ELANE: variants seen among roughly 807,000 people sequenced by gnomAD.
ELANE encodes elastase, neutrophil expressed.
Under a neutral mutation model 20.6 loss-of-function variants are expected in ELANE, and 12 were observed. The observed-to-expected ratio is 0.58, with a 90% CI of 0.37 to 0.94. The LOEUF (loss-of-function observed/expected upper bound fraction) is 0.94, where lower values mean the gene tolerates loss of function less well. ELANE is among the 40% of genes least tolerant of loss of function. The pLI is 0.01. For missense variants in ELANE, 388 were observed against 395.2 expected (o/e 0.98, Z 0.15); for synonymous variants, 203 against 177.4 (o/e 1.14, Z -1.15).
intron 1 of ELANE, 146 bp from the exon 2 acceptor site, chr19:852,730 C>G: frequency 7.9e-7 from 1 of 1,266,496 alleles, no homozygotes; most frequent in Non-Finnish European, 1.1e-6. Flanking sequence ...CGAACGGCCC[C>G]GATCCCGTGG....
rs202059602 is a variant in ELANE, at chr19:856,062, G to T, written c.702G>T (p.Pro234=). 6.2e-7 allele frequency: 1 copy of T among 1,613,480 alleles called. No individual in the cohort carries two copies. The highest frequency in any genetic ancestry group is 8.5e-7 in the Non-Finnish European group (1 of 1,180,016). The change falls in exon 5 of 5, where the codon CCG becomes CCT. Residue 234 remains proline, a synonymous_variant. Coordinates refer to ENST00000263621, the MANE Select transcript of ELANE (RefSeq NM_001972.4). ...ASGLYPDAFA[P]VAQFVNWIDS... ...GGCTCTACCCCGATGCCTTTGCCCCGGTGGCACAGTTTGTAAACTGGATCG... is the reference window on the plus strand; with the variant it reads ...GGCTCTACCCCGATGCCTTTGCCCCTGTGGCACAGTTTGTAAACTGGATCG...
chr19:855,584 C>G lies in ELANE; in HGVS notation c.387C>G (p.Ile129Met). The G allele has an allele frequency of 6.2e-7, 1 of 1,600,172 alleles. No individual in the cohort carries two copies. The highest frequency in any genetic ancestry group is 1.1e-5 in the South Asian group (1 of 91,084). The change falls in exon 4 of 5, where the codon ATC becomes ATG. Residue 129 changes from isoleucine to methionine, a missense_variant. Ile to Met is a conservative substitution (Grantham distance 10). Coordinates refer to ENST00000263621, the MANE Select transcript of ELANE (RefSeq NM_001972.4). The surrounding 1 kb of genome is among the most constrained non-coding windows in gnomAD (Gnocchi z 6.2). ...CACAGCTCAACGGGTCGGCCACCAT[C>G]AACGCCAACGTGCAGGTGGCCCAGC... ...VILQLNGSAT[I>M]NANVQVAQLP...
chr19:855,779 G>T lies in ELANE; in HGVS notation c.582G>T (p.Gln194His), dbSNP rs563563792. The T allele has an allele frequency of 2.2e-5, 35 of 1,608,810 alleles. 1 individual carries two copies. In the South Asian group the frequency reaches 3.5e-4, roughly 16 times the overall value. ...TCTGCACTCTCGTGAGGGGCCGGCA[G>T]GCCGGCGTCTGTTTCGTACGTGCCC... ...SNVCTLVRGRQAGVCFGDSGS... is the reference protein window; with the variant it reads ...SNVCTLVRGRHAGVCFGDSGS... Residue 194 changes from glutamine to histidine, a missense_variant, in exon 4 of 5, where the codon CAG becomes CAT. By Grantham distance (24) the Gln-to-His change is conservative. Transcript: ENST00000263621. This position sits in a 1 kb window ranked among gnomAD's most constrained non-coding sequence, Gnocchi z 6.2.
intron 1 of ELANE, 67 bp from the exon 2 acceptor site, chr19:852,809 G>T: frequency 6.5e-7 from 1 of 1,549,648 alleles, no homozygotes; most frequent in South Asian, 1.2e-5. Context: ...GGATCCAGAG[G>T]CCCCGTGGCC....
rs890280050 is a variant in ELANE, at chr19:853,306, C to T, written c.269C>T (p.Ser90Leu). ...VRVVLGAHNL[S>L]RREPTRQVFA... Reference sequence around the variant, plus strand: ...GTGGTCCTGGGAGCCCATAACCTCTCGCGGCGGGAGCCCACCCGGCAGGTG... The same window carrying T: ...GTGGTCCTGGGAGCCCATAACCTCTTGCGGCGGGAGCCCACCCGGCAGGTG... Residue 90 changes from serine (S) to leucine (L), a missense_variant, in exon 3 of 5, where the codon TCG becomes TTG. Coordinates refer to ENST00000263621, the MANE Select transcript of ELANE (RefSeq NM_001972.4). 3.1e-6 allele frequency: 5 copies of T among 1,610,636 alleles called. No homozygotes were observed. In the African/African-American group the frequency reaches 4.0e-5, roughly 13 times the overall value.
chr19:852,515 C>G, intron 1 of ELANE, 120 bp downstream of exon 1: 4 of 1,296,808 alleles, frequency 3.1e-6, no homozygotes, highest in Non-Finnish European at 4.2e-6. Context: ...CCAGCTGGGA[C>G]AAGGAGACCA....
rs201224981 is a variant in ELANE, at chr19:852,979, C to T, written c.171C>T (p.Ala57=). The change falls in exon 2 of 5, where the codon GCC becomes GCT. Residue 57 remains alanine (A), a synonymous_variant. Coordinates refer to ENST00000263621, the MANE Select transcript of ELANE (RefSeq NM_001972.4). The stretch of plus-strand genomic sequence containing the variant: ...TGCGCGGAGGCCACTTCTGCGGCGC[C>T]ACCCTGATTGCGCCCAACTTCGTCA... ...LQLRGGHFCG[A]TLIAPNFVMS... is the part of the protein sequence containing the mutation. 131 of 1,584,074 alleles carry T rather than the reference C, an allele frequency of 8.3e-5. No individual in the cohort carries two copies. The African/African-American group carries it at 1.5e-3, about 19-fold the overall frequency.
chr19:853,515 C>T (rs2035630033), intron 3 of ELANE, 112 bp downstream of exon 3: 2 of 1,326,160 alleles, frequency 1.5e-6, no homozygotes, highest in Admixed American at 2.2e-5. Context: ...GGGGTGGCAT[C>T]GTGGGCTGGG....
In ELANE at chr19:852,865, T is replaced by C; in HGVS notation, c.68-11T>C. ...GCAGGCACTCAGCACCCGCACCCGG[T>C]GTGTCCCCAGGCACCGCGCTGGCCT... On this transcript the variant is annotated splice_polypyrimidine_tract_variant and intron_variant, in intron 1 of 4. Transcript: ENST00000263621. The C allele has an allele frequency of 6.3e-7, 1 of 1,593,102 alleles. No homozygotes were observed. The highest frequency in any genetic ancestry group is 8.5e-7 in the Non-Finnish European group (1 of 1,176,030).
rs144391144 is a variant in ELANE at position 855,960 on chromosome 19, G to A, written c.600G>A (p.Gly200=). The change falls in exon 5 of 5, where the codon GGG becomes GGA. Residue 200 remains glycine (G), a splice_region_variant and synonymous_variant. Transcript: ENST00000263621. This position sits in a 1 kb window ranked among gnomAD's most constrained non-coding sequence, Gnocchi z 6.2. ...VRGRQAGVCF[G]DSGSPLVCNG... is the part of the protein sequence containing the mutation. ...CCCCACCTTGTCTGCCTCCACAGGG[G>A]GACTCCGGCAGCCCCTTGGTCTGCA... 4.0e-5 allele frequency: 64 copies of A among 1,613,066 alleles called. No individual in the cohort carries two copies. The highest frequency in any genetic ancestry group is 5.3e-5 in the Non-Finnish European group (63 of 1,180,046).
chr19:853,120 GGC>G, intron 2 of ELANE, 88 bp downstream of exon 2: 1 of 1,480,684 alleles, frequency 6.8e-7, no homozygotes, highest in Admixed American at 2.1e-5. Context: ...CGGGGCTGCT[GGC>G]GGGGGGGGGT....
In ELANE at chr19:852,612, G is replaced by T. The variant is rs17223003; in HGVS notation, c.67+217G>T. Among the ~76,000 whole-genome samples, 15 of 151,162 alleles carry T rather than the reference G, an allele frequency of 9.9e-5. 1 individual carries two copies. The East Asian group carries it at 1.6e-3, about 16-fold the overall frequency. On this transcript the variant is annotated intron_variant, in intron 1 of 4. Transcript: ENST00000263621. ...ACCGGGGAGGGGGGGGGGGTCGCAG[G>T]TCGCCCTCTGGGTTCAAGTCCAGGT...
rs1281778329 is a variant in ELANE, at chr19:853,129, G to A, written c.224+97G>A. On this transcript the variant is annotated intron_variant, in intron 2 of 4. Transcript: ENST00000263621. Reference sequence around the variant, plus strand: ...CGGGGCCGGGGCTGCTGGCGGGGGGGGGTCCGTCCAGGGCCCGCGGGGCCC... The same window carrying A: ...CGGGGCCGGGGCTGCTGGCGGGGGGAGGTCCGTCCAGGGCCCGCGGGGCCC... 2.0e-6 allele frequency: 3 copies of A among 1,484,920 alleles called. No individual in the cohort carries two copies. The East Asian group carries it at 7.8e-5, about 39-fold the overall frequency. 92.0% of individuals were successfully genotyped at this position (1,484,920 alleles called of 1,614,324 possible). A position where few individuals can be genotyped will look rare whatever the true frequency, so the allele number is the denominator to read the frequency against.
At position 852,982 on chromosome 19, in the gene ELANE, C is replaced by T. The variant is rs199714513; in HGVS notation, c.174C>T (p.Thr58=). 282 of 1,582,120 alleles carry T rather than the reference C, an allele frequency of 1.8e-4. No individual in the cohort carries two copies. Among genetic ancestry groups the T allele is most frequent in the Non-Finnish European group, 2.1e-4 (250 of 1,171,010 alleles). ...GCGGAGGCCACTTCTGCGGCGCCAC[C>T]CTGATTGCGCCCAACTTCGTCATGT... The part of the protein sequence containing the change: ...QLRGGHFCGA[T]LIAPNFVMSA... Residue 58 remains threonine, a synonymous_variant, in exon 2 of 5, where the codon ACC becomes ACT. Transcript: ENST00000263621.
At chr19:853,577 C>A (rs1040892543) in intron 3 of ELANE, among the ~76,000 whole-genome samples, 174 bp downstream of exon 3, 1 of 152,194 alleles carries the variant, frequency 6.6e-6, no homozygotes, top group African/African-American at 2.4e-5. Flanking sequence ...GGAAAATACC[C>A]GCCATGGGCC....
Position 855,536 on chromosome 19 carries a change from C to T in ELANE, c.367-28C>T, listed in dbSNP as rs140527601. 70 of 1,594,672 alleles carry T rather than the reference C, an allele frequency of 4.4e-5. No individual in the cohort carries two copies. In the African/African-American group the frequency reaches 5.1e-4, roughly 12 times the overall value. On this transcript the variant is annotated intron_variant, in intron 3 of 4. Coordinates refer to ENST00000263621, the MANE Select transcript of ELANE (RefSeq NM_001972.4). This position sits in a 1 kb window ranked among gnomAD's most constrained non-coding sequence, Gnocchi z 6.2. ...GTCATCATCACTGCCCCGTGTGACG[C>T]GCTGACGATCTGTCCCCACCGCCAC...
chr19:852,950 C>A lies in ELANE; in HGVS notation c.142C>A (p.Gln48Lys), dbSNP rs772803050. 1.3e-6 allele frequency: 2 copies of A among 1,595,626 alleles called. No individual in the cohort carries two copies. Among genetic ancestry groups the A allele is most frequent in the South Asian group, 1.1e-5 (1 of 90,186 alleles). Reference sequence around the variant, plus strand: ...CGCGTGGCCCTTCATGGTGTCCCTGCAGCTGCGCGGAGGCCACTTCTGCGG... The same window carrying A: ...CGCGTGGCCCTTCATGGTGTCCCTGAAGCTGCGCGGAGGCCACTTCTGCGG... The part of the protein sequence containing the change: ...PHAWPFMVSL[Q>K]LRGGHFCGAT... Residue 48 changes from glutamine (Q) to lysine (K), a missense_variant, in exon 2 of 5, where the codon CAG (glutamine) becomes AAG (lysine). Gln to Lys is a moderately conservative substitution (Grantham distance 53, BLOSUM62 1). Around this residue, in one of 3 missense-constraint regions of ELANE, gnomAD observed 9 missense variants for 28.8 expected, o/e 0.31. Transcript: ENST00000263621.
chr19:855,638 C>T lies in ELANE; in HGVS notation c.441C>T (p.Asn147=), dbSNP rs146878885. The stretch of plus-strand genomic sequence containing the variant: ...CGGCTCAGGGACGCCGCCTGGGCAA[C>T]GGGGTGCAGTGCCTGGCCATGGGCT... The part of the protein sequence containing the change: ...QLPAQGRRLG[N]GVQCLAMGWG... Residue 147 remains asparagine, a synonymous_variant, in exon 4 of 5, where the codon AAC becomes AAT. Transcript: ENST00000263621. This position sits in a 1 kb window ranked among gnomAD's most constrained non-coding sequence, Gnocchi z 6.2. 63 of 1,605,792 alleles carry T rather than the reference C, an allele frequency of 3.9e-5. No individual in the cohort carries two copies. The African/African-American group carries it at 5.2e-4, about 13-fold the overall frequency.
At chr19:852,599 G>A (rs1455013637) in intron 1 of ELANE, among the ~76,000 whole-genome samples, 2 of 145,846 alleles carry the variant, frequency 1.4e-5, no homozygotes, top group East Asian at 4.4e-4. Context: ...CGGGGAGGGG[G>A]GGGGGGTCGC....
Sources: gnomAD v4.1 joint callset for allele counts (sites outside exome capture counted in the v4.1 genomes callset) on GRCh38, gnomAD v4.1.1 for gene constraint, gnomAD v4.1.1 regional missense constraint, Gnocchi (gnomAD v3.1) non-coding constraint, MANE v1.5 for transcripts, NCBI Gene and HGNC (gene_info 2026-07-23, HGNC 2026-07-21) for gene names.